The following ESR1 variants were observed in gnomAD, a reference collection of about 807,000 sequenced individuals.
ESR1 encodes the protein estrogen receptor 1, also known as estrogen receptor.
A neutral mutation model predicts 52.7 loss-of-function variants in ESR1; 12 were observed. The ratio of observed to expected loss-of-function variants is 0.23; its 90% CI spans 0.15 to 0.37. The LOEUF (loss-of-function observed/expected upper bound fraction) is 0.37, where lower values mean the gene tolerates loss of function less well. Among genes scored for constraint, ESR1 ranks in the 10% least tolerant of loss-of-function variants. The pLI, the probability that ESR1 is intolerant of heterozygous loss-of-function variation, is 1.00. For missense variants in ESR1, 584 were observed against 779.7 expected, an observed-to-expected ratio of 0.75 and a Z score of 2.99; for synonymous variants, 305 against 316.8, an observed-to-expected ratio of 0.96 and a Z score of 0.39.
intron 1 of ESR1, among the ~76,000 whole-genome samples, chr6:151,834,755 GT>G (rs1370464769): frequency 4.6e-5 from 7 of 152,106 alleles, no homozygotes; most frequent in Admixed American, 4.6e-4. Flanking sequence ...TAATAGGCTC[GT>G]TTAGAATGGT....
rs1320629044 is a variant in ESR1, at chr6:152,055,770, T to G, written c.1236-5221T>G. Among the ~76,000 whole-genome samples, 6 of 152,218 alleles carry G rather than the reference T, an allele frequency of 3.9e-5. No homozygotes were observed. The East Asian group carries it at 1.2e-3, about 29-fold the overall frequency. ...CAGGCATGTAGCCTACCTGCCAAGT[T>G]CTTTCACAGCAGATATTTTGCAGTG... On this transcript the variant is annotated intron_variant, in intron 5 of 7. Coordinates refer to ENST00000206249, the MANE Select transcript of ESR1 (RefSeq NM_000125.4).
intron 6 of ESR1, among the ~76,000 whole-genome samples, chr6:152,121,023 A>G (rs1347980354): frequency 6.6e-6 from 1 of 152,204 alleles, no homozygotes; most frequent in African/African-American, 2.4e-5. Flanking sequence ...AGCAGCCAAC[A>G]AGCTCCGGCA....
intron 4 of ESR1, among the ~76,000 whole-genome samples, chr6:151,950,198 T>C (rs1308279961): frequency 3.9e-5 from 6 of 152,198 alleles, no homozygotes; most frequent in Admixed American, 3.9e-4. Context: ...CTCTTTCTTT[T>C]GTAAATTGCC....
chr6:151,733,920 C>T (rs1782445733), intron 2 of ESR1, among the ~76,000 whole-genome samples: 2 of 152,178 alleles, frequency 1.3e-5, no homozygotes, highest in South Asian at 4.1e-4. Flanking sequence ...CCGGATGCCT[C>T]TATCTTACAC....
chr6:151,922,673 C>A (rs1357051567), intron 3 of ESR1, among the ~76,000 whole-genome samples: 1 of 152,010 alleles, frequency 6.6e-6, no homozygotes, highest in Non-Finnish European at 1.5e-5. Flanking sequence ...TTTTTTGCCC[C>A]AGTTCTATGA....
intron 3 of ESR1, among the ~76,000 whole-genome samples, chr6:151,943,739 T>A (rs888054252): frequency 5.3e-5 from 8 of 152,242 alleles, no homozygotes; most frequent in Middle Eastern, 3.2e-3. Flanking sequence ...GAAGTAGTCT[T>A]GGATGCTAAA....
At chr6:151,851,893 G>T (rs573958800) in intron 2 of ESR1, among the ~76,000 whole-genome samples, 2 of 152,094 alleles carry the variant, frequency 1.3e-5, no homozygotes, top group Admixed American at 1.3e-4. Flanking sequence ...AGAAGGGAAA[G>T]AATCAAAGCG....
Position 151,808,798 on chromosome 6 carries a change from A to G in ESR1, c.452+434A>G, listed in dbSNP as rs564513766. ...GTGTTTGGAGTTAGCAGAGCTCAGC[A>G]GAGTTTTATTTATCCTTTTAATGTT... On this transcript the variant is annotated intron_variant, in intron 1 of 7. Coordinates refer to ENST00000206249, the MANE Select transcript of ESR1 (RefSeq NM_000125.4). 3.3e-5 allele frequency among the ~76,000 whole-genome samples: 5 copies of G among 152,310 alleles called. No individual in the cohort carries two copies. In the East Asian group the frequency reaches 9.7e-4, roughly 29 times the overall value.
intron 3 of ESR1, among the ~76,000 whole-genome samples, chr6:151,914,350 A>G (rs1584189678): frequency 1.3e-5 from 2 of 152,320 alleles, no homozygotes; most frequent in South Asian, 4.1e-4. Flanking sequence ...CAAACTTTTC[A>G]TCTTACTTCA....
In ESR1 at chr6:152,103,251, G is replaced by A. The variant is rs936878968; in HGVS notation, c.*4285G>A. 8 of 181,566 alleles carry A rather than the reference G, an allele frequency of 4.4e-5. No individual in the cohort carries two copies. The highest frequency in any genetic ancestry group is 7.1e-5 in the Non-Finnish European group (6 of 84,716). The allele number at this position is 181,566 out of a possible 1,614,324, so 11.2% of individuals were successfully genotyped here. ...AAACAATTTTCTCAACCTATTTGAT[G>A]TTCAAATAAAGAATTAAACTAAAGA... On this transcript the variant is annotated 3_prime_UTR_variant, in exon 8 of 8. Transcript: ENST00000206249.
chr6:151,684,409 G>A (rs851994), intron 1 of ESR1, among the ~76,000 whole-genome samples: 80,777 of 151,552 alleles, frequency 0.53, 22,202 homozygotes, highest in African/African-American at 0.63. Context: ...CAGTAACACG[G>A]TGAGGATGAT....
At chr6:151,981,039 G>A (rs1265086169) in intron 4 of ESR1, among the ~76,000 whole-genome samples, 1 of 152,108 alleles carries the variant, frequency 6.6e-6, no homozygotes. Flanking sequence ...TATCTTAGTA[G>A]GAGACTAATT....
intron 3 of ESR1, among the ~76,000 whole-genome samples, chr6:151,928,834 T>C (rs2033161358): frequency 6.6e-6 from 1 of 152,144 alleles, no homozygotes; most frequent in South Asian, 2.1e-4. Context: ...TCTTTAAAAG[T>C]GTGTTGTTCA....
chr6:151,819,640 A>G (rs979344274), intron 1 of ESR1, among the ~76,000 whole-genome samples: 3 of 152,142 alleles, frequency 2.0e-5, no homozygotes, highest in African/African-American at 7.2e-5. Flanking sequence ...TTGCAGGAAA[A>G]CAAGTTCAGG....
At chr6:151,775,473 C>G (rs1319423115) in intron 2 of ESR1, among the ~76,000 whole-genome samples, 1 of 152,098 alleles carries the variant, frequency 6.6e-6, no homozygotes, top group Admixed American at 6.5e-5. Flanking sequence ...CCTGGCCAGG[C>G]GCGGTGGCTG....
chr6:151,800,161 T>G (rs942392664), upstream of ESR1, among the ~76,000 whole-genome samples: 6 of 152,170 alleles, frequency 3.9e-5, no homozygotes, highest in African/African-American at 7.2e-5. Flanking sequence ...TTTTGAAATT[T>G]TCAATGTATA....
chr6:152,018,593 G>T (rs770688526), intron 5 of ESR1, among the ~76,000 whole-genome samples: 110 of 152,068 alleles, frequency 7.2e-4, no homozygotes, highest in Non-Finnish European at 1.4e-3. Context: ...TGGGGTGTTG[G>T]GGGTGGAAGG....
intron 4 of ESR1, among the ~76,000 whole-genome samples, chr6:151,964,208 A>G (rs1397866639): frequency 6.6e-6 from 1 of 152,188 alleles, no homozygotes; most frequent in East Asian, 1.9e-4. Flanking sequence ...TCTGTGAAAA[A>G]TGGCATTGGA....
chr6:152,107,463 AT>A (rs1239048219), downstream of ESR1, among the ~76,000 whole-genome samples: 12 of 152,092 alleles, frequency 7.9e-5, no homozygotes, highest in Non-Finnish European at 1.6e-4. Context: ...TTTAAAACTT[AT>A]TTCTGTCTCT....
Sources: gnomAD v4.1 joint callset for allele counts (sites outside exome capture counted in the v4.1 genomes callset) on GRCh38, gnomAD v4.1.1 for gene constraint, MANE v1.5 for transcripts, NCBI Gene and HGNC (gene_info 2026-07-23, HGNC 2026-07-21) for gene names.